Variants in SLC4A10 observed in about 807,000 individuals in gnomAD.
The protein encoded by SLC4A10 is sodium-driven chloride bicarbonate exchanger.
A neutral mutation model predicts 137.7 loss-of-function variants in SLC4A10; 42 were observed. That is an observed-to-expected ratio of 0.30 (90% CI 0.24 to 0.39). SLC4A10 has a LOEUF of 0.39. Ranked by LOEUF, SLC4A10 falls within the 10% of genes least tolerant of loss-of-function variation. The pLI, the probability that SLC4A10 is intolerant of heterozygous loss-of-function variation, is 1.00. For synonymous variants in SLC4A10, 474 were observed against 464.1 expected (o/e 1.02, Z -0.27); for missense variants, 925 against 1,355.0 (o/e 0.68, Z 4.98).
At chr2:161,815,929 C>T (rs888638424) in intron 3 of SLC4A10, among the ~76,000 whole-genome samples, 1 of 152,046 alleles carries the variant, frequency 6.6e-6, no homozygotes, top group African/African-American at 2.4e-5. Context: ...GACATTTAGA[C>T]CTAAATGTGG....
chr2:161,955,965 T>A (rs1479889325), intron 19 of SLC4A10, among the ~76,000 whole-genome samples: 2 of 152,206 alleles, frequency 1.3e-5, no homozygotes. Flanking sequence ...TAACTTTTAT[T>A]GATTGCTTAT....
chr2:161,981,181 G>A (rs1700168473), intron 26 of SLC4A10, among the ~76,000 whole-genome samples: 4 of 152,232 alleles, frequency 2.6e-5, no homozygotes, highest in African/African-American at 9.7e-5. Flanking sequence ...ATGACTTGGT[G>A]ACTAATAGTG....
chr2:161,670,637 A>G (rs2039589744), intron 1 of SLC4A10, among the ~76,000 whole-genome samples: 1 of 152,070 alleles, frequency 6.6e-6, no homozygotes, highest in Non-Finnish European at 1.5e-5. Context: ...AATACTAACA[A>G]GGTATTATTA....
intron 1 of SLC4A10, among the ~76,000 whole-genome samples, chr2:161,660,647 T>TCTTTCTTCCTTTCCTTCTTTCCTTCTTA (rs1558969981): frequency 6.9e-5 from 10 of 144,738 alleles, no homozygotes; most frequent in Non-Finnish European, 1.5e-4. Flanking sequence ...TTTCCTTCTT[T>TCTTTCTTCCTTTCCTTCTTTCCTTCTTA]CTTTCTTTCT....
chr2:161,872,273 G>A lies in SLC4A10; in HGVS notation c.767-20G>A. On this transcript the variant is annotated intron_variant, in intron 6 of 26. Coordinates refer to ENST00000446997, the MANE Select transcript of SLC4A10 (RefSeq NM_001178015.2). ...CTATGTAAGTAATTGTTTGTATTCTGTCACAACAATCTCTTTTAGCAGGTC... is the reference window on the plus strand; with the variant it reads ...CTATGTAAGTAATTGTTTGTATTCTATCACAACAATCTCTTTTAGCAGGTC... The A allele has an allele frequency of 6.3e-7, 1 of 1,590,696 alleles. No individual in the cohort carries two copies. The highest frequency in any genetic ancestry group is 8.6e-7 in the Non-Finnish European group (1 of 1,159,350).
intron 2 of SLC4A10, among the ~76,000 whole-genome samples, chr2:161,800,272 T>A (rs756391012): frequency 9.9e-5 from 15 of 152,096 alleles, no homozygotes; most frequent in Non-Finnish European, 2.2e-4. Flanking sequence ...AAATTGTGGC[T>A]ATTAGCTTGT....
intron 23 of SLC4A10, 104 bp from the exon 24 acceptor site, chr2:161,974,145 T>G (rs1337348432): frequency 3.4e-6 from 3 of 891,146 alleles, no homozygotes; most frequent in Admixed American, 2.9e-5. Context: ...GAGTGGAAGG[T>G]CTTGAGGTTA....
intron 1 of SLC4A10, among the ~76,000 whole-genome samples, chr2:161,653,605 A>T (rs2037116135): frequency 6.6e-6 from 1 of 152,156 alleles, no homozygotes; most frequent in African/African-American, 2.4e-5. Context: ...TATGAATTTG[A>T]TTATTTTAAA....
At chr2:161,725,716 T>C (rs2046147658) in intron 1 of SLC4A10, among the ~76,000 whole-genome samples, 1 of 152,218 alleles carries the variant, frequency 6.6e-6, no homozygotes, top group Admixed American at 6.5e-5. Context: ...AAAGTGGGGA[T>C]TTATAACCTT....
chr2:161,648,070 C>A (rs2036296270), intron 1 of SLC4A10, among the ~76,000 whole-genome samples: 1 of 152,150 alleles, frequency 6.6e-6, no homozygotes, highest in African/African-American at 2.4e-5. Context: ...GTAATTAAGG[C>A]AGCAGCATTA....
intron 23 of SLC4A10, among the ~76,000 whole-genome samples, chr2:161,967,046 A>G (rs1351721132): frequency 1.3e-5 from 2 of 152,188 alleles, no homozygotes; most frequent in Admixed American, 1.3e-4. Context: ...TAATGTCAGT[A>G]CAGCAGACCC....
chr2:161,958,634 A>T, intron 21 of SLC4A10, 79 bp downstream of exon 21: 4 of 998,202 alleles, frequency 4.0e-6, no homozygotes, highest in Non-Finnish European at 4.5e-6. Context: ...GACAGCTGAG[A>T]AAATGCCACC....
intron 2 of SLC4A10, among the ~76,000 whole-genome samples, chr2:161,801,514 C>T (rs2055362709): frequency 6.6e-6 from 1 of 152,068 alleles, no homozygotes; most frequent in Admixed American, 6.6e-5. Flanking sequence ...TGACAGGTAG[C>T]ATCTCTACTT....
intron 3 of SLC4A10, among the ~76,000 whole-genome samples, chr2:161,837,325 TA>T (rs1456446454): frequency 6.6e-6 from 1 of 152,004 alleles, no homozygotes; most frequent in Admixed American, 6.6e-5. Flanking sequence ...GGAAACAAAT[TA>T]AAAAATATAA....
At chr2:161,830,161 CAAAAA>C (rs201494187) in intron 3 of SLC4A10, among the ~76,000 whole-genome samples, 4 of 103,766 alleles carry the variant, frequency 3.9e-5, no homozygotes, top group Admixed American at 1.0e-4. Context: ...GGAACTAAAG[CAAAAA>C]AAAAAAAAAA....
At chr2:161,910,144 A>AT (rs1685486900) in intron 15 of SLC4A10, among the ~76,000 whole-genome samples, 1 of 152,136 alleles carries the variant, frequency 6.6e-6, no homozygotes, top group Non-Finnish European at 1.5e-5. Flanking sequence ...TATATTTCAG[A>AT]TTTTTTATAC....
chr2:161,747,493 A>G (rs1296799440), intron 1 of SLC4A10, among the ~76,000 whole-genome samples: 3 of 151,994 alleles, frequency 2.0e-5, no homozygotes, highest in Non-Finnish European at 4.4e-5. Flanking sequence ...TTTTCTTGGT[A>G]TGATGTTAAA....
chr2:161,876,714 G>A (rs1470349872), intron 8 of SLC4A10, among the ~76,000 whole-genome samples: 1 of 152,092 alleles, frequency 6.6e-6, no homozygotes, highest in East Asian at 1.9e-4. Context: ...AAAGATAGTT[G>A]GTTTGTCAAA....
At chr2:161,798,891 T>C (rs1250227143) in intron 2 of SLC4A10, among the ~76,000 whole-genome samples, 2 of 147,954 alleles carry the variant, frequency 1.4e-5, no homozygotes, top group Non-Finnish European at 3.0e-5. Flanking sequence ...GAAGTATTAG[T>C]TGAAGAAGGC....
Sources: gnomAD v4.1 joint callset for allele counts (sites outside exome capture counted in the v4.1 genomes callset) on GRCh38, gnomAD v4.1.1 for gene constraint, MANE v1.5 for transcripts, NCBI Gene and HGNC (gene_info 2026-07-23, HGNC 2026-07-21) for gene names.